The following REC114 variants were observed in gnomAD, a reference collection of about 807,000 sequenced individuals.
REC114 encodes meiotic recombination protein REC114.
Under a neutral mutation model 31.3 loss-of-function variants are expected in REC114, and 27 were observed. The ratio of observed to expected loss-of-function variants is 0.86; its 90% confidence interval spans 0.64 to 1.19. The LOEUF is 1.19. Ranked by LOEUF, REC114 falls within the 50% of genes most tolerant of loss-of-function variation. The probability of loss-of-function intolerance (pLI) is 0.00; values close to 1 mark genes in which losing one functional copy is unlikely to be tolerated. For missense variants in REC114, 344 were observed against 326.9 expected (o/e 1.05, Z -0.40); for synonymous variants, 134 against 127.7 (o/e 1.05, Z -0.33).
intron 1 of REC114, among the ~76,000 whole-genome samples, chr15:73,449,398 G>C (rs901727889): frequency 6.6e-6 from 1 of 152,200 alleles, no homozygotes; most frequent in Non-Finnish European, 1.5e-5. Flanking sequence ...AAGGATGTCA[G>C]AGACTGAAGA....
At chr15:73,500,452 G>C (rs909212653) in intron 2 of REC114, among the ~76,000 whole-genome samples, 1 of 152,034 alleles carries the variant, frequency 6.6e-6, no homozygotes, top group African/African-American at 2.4e-5. Flanking sequence ...TTCAAGAAAG[G>C]CAAAACTAGT....
chr15:73,504,721 T>G (rs985885171), intron 2 of REC114, among the ~76,000 whole-genome samples: 8 of 152,188 alleles, frequency 5.3e-5, no homozygotes, highest in Admixed American at 3.3e-4. Context: ...CTACAGATTT[T>G]ATATGTTGAA....
chr15:73,509,263 A>G (rs1175237364), intron 2 of REC114, among the ~76,000 whole-genome samples: 2 of 146,830 alleles, frequency 1.4e-5, no homozygotes, highest in Non-Finnish European at 3.0e-5. Context: ...GTGTCTGTTC[A>G]TGTCCTTCAC....
At chr15:73,526,073 A>G (rs1246887829) in intron 2 of REC114, among the ~76,000 whole-genome samples, 2 of 152,200 alleles carry the variant, frequency 1.3e-5, no homozygotes, top group Non-Finnish European at 2.9e-5. Flanking sequence ...CTTTATCATA[A>G]TGAGATGTTC....
rs114604818 is a variant in REC114 at position 73,457,879 on chromosome 15, C to T, written c.159+14535C>T. On this transcript the variant is annotated intron_variant, in intron 1 of 5. Transcript: ENST00000331090. ...GACATTCAACTAGGCATTAGAGATT[C>T]TATGGAACTGTGTGCTTCACACAGT... is the stretch of plus-strand genomic sequence containing the variant. Among the ~76,000 whole-genome samples the T allele has an allele frequency of 4.5e-3, 678 of 152,238 alleles. 1 individual carries two copies. The highest frequency in any genetic ancestry group is 0.015 in the African/African-American group (630 of 41,538).
At chr15:73,454,821 G>A (rs1445497741) in intron 1 of REC114, among the ~76,000 whole-genome samples, 2 of 152,202 alleles carry the variant, frequency 1.3e-5, no homozygotes, top group East Asian at 3.8e-4. Context: ...GTTGGGTGCA[G>A]CTGAATAATT....
chr15:73,464,638 T>C (rs1893032714), intron 1 of REC114, among the ~76,000 whole-genome samples: 1 of 152,068 alleles, frequency 6.6e-6, no homozygotes, highest in South Asian at 2.1e-4. Context: ...GCCAACTCCT[T>C]TGTGACTCCT....
At chr15:73,492,983 A>AT (rs922441494) in intron 2 of REC114, among the ~76,000 whole-genome samples, 13 of 150,668 alleles carry the variant, frequency 8.6e-5, no homozygotes, top group African/African-American at 2.2e-4. Flanking sequence ...TATTTCTGCC[A>AT]TTTTTTTTAC....
At chr15:73,511,996 CCTTGTTGACTTT>C (rs1338252603) in intron 2 of REC114, among the ~76,000 whole-genome samples, 1 of 110,188 alleles carries the variant, frequency 9.1e-6, no homozygotes, top group Non-Finnish European at 1.7e-5. Flanking sequence ...TCCTGGGTAT[CCTTGTTGACTTT>C]CTGTCTCATT....
At chr15:73,548,666 C>T (rs1354249291) in intron 3 of REC114, among the ~76,000 whole-genome samples, 1 of 152,184 alleles carries the variant, frequency 6.6e-6, no homozygotes, top group African/African-American at 2.4e-5. Context: ...AAAACACCAT[C>T]TGACCCAGCA....
chr15:73,451,612 T>G (rs1892850014), intron 1 of REC114, among the ~76,000 whole-genome samples: 1 of 152,024 alleles, frequency 6.6e-6, no homozygotes, highest in Non-Finnish European at 1.5e-5. Context: ...AAAGAGGGAA[T>G]CCTCCCTAAC....
At chr15:73,468,858 A>ATT (rs1216916806) in intron 1 of REC114, among the ~76,000 whole-genome samples, 2 of 152,092 alleles carry the variant, frequency 1.3e-5, no homozygotes, top group Non-Finnish European at 2.9e-5. Flanking sequence ...ATGGTGAATA[A>ATT]CTTTGAGTTC....
At chr15:73,480,978 C>CT (rs1212061074) in intron 2 of REC114, among the ~76,000 whole-genome samples, 1 of 152,100 alleles carries the variant, frequency 6.6e-6, no homozygotes, top group East Asian at 1.9e-4. Flanking sequence ...GGCCTTAGAA[C>CT]TTTTTTCATA....
chr15:73,456,456 T>C (rs1892917196), intron 1 of REC114, among the ~76,000 whole-genome samples: 1 of 152,158 alleles, frequency 6.6e-6, no homozygotes, highest in South Asian at 2.1e-4. Context: ...AATGAACTTT[T>C]AAATGTGGAT....
At chr15:73,525,821 A>C (rs966162675) in intron 2 of REC114, among the ~76,000 whole-genome samples, 10 of 152,158 alleles carry the variant, frequency 6.6e-5, no homozygotes, top group South Asian at 2.1e-4. Flanking sequence ...TCTGCTGCTG[A>C]TGATAGGTAT....
chr15:73,460,882 C>G (rs1027288258), intron 1 of REC114, among the ~76,000 whole-genome samples: 1 of 151,874 alleles, frequency 6.6e-6, no homozygotes, highest in African/African-American at 2.4e-5. Context: ...ACTGATAATT[C>G]TTCTGTTACA....
chr15:73,525,828 G>T (rs976259905), intron 2 of REC114, among the ~76,000 whole-genome samples: 12 of 152,058 alleles, frequency 7.9e-5, no homozygotes, highest in Non-Finnish European at 1.6e-4. Flanking sequence ...CTGATGATAG[G>T]TATTCTATGA....
intron 2 of REC114, among the ~76,000 whole-genome samples, chr15:73,527,288 G>C (rs963844492): frequency 6.6e-6 from 1 of 152,124 alleles, no homozygotes; most frequent in Non-Finnish European, 1.5e-5. Context: ...ATTTCGTTCT[G>C]CATATGTACA....
chr15:73,469,476 G>A (rs1370607552), intron 1 of REC114, among the ~76,000 whole-genome samples: 2 of 151,974 alleles, frequency 1.3e-5, no homozygotes, highest in Non-Finnish European at 2.9e-5. Context: ...GGTGCAGTGT[G>A]CAGAGTGCAG....
Sources: gnomAD v4.1 joint callset for allele counts (sites outside exome capture counted in the v4.1 genomes callset) on GRCh38, gnomAD v4.1.1 for gene constraint, MANE v1.5 for transcripts, NCBI Gene and HGNC (gene_info 2026-07-23, HGNC 2026-07-21) for gene names.